HOOK1: variants seen among roughly 807,000 people sequenced by gnomAD.
The protein encoded by HOOK1 is hook microtubule tethering protein 1.
Under a neutral mutation model 112.8 loss-of-function variants are expected in HOOK1, and 60 were observed. That is an observed-to-expected ratio of 0.53 (90% confidence interval 0.43 to 0.66). The LOEUF (loss-of-function observed/expected upper bound fraction) is 0.66, where lower values mean the gene tolerates loss of function less well. Among genes scored for constraint, HOOK1 ranks in the 30% least tolerant of loss-of-function variants. The pLI is 0.00. For synonymous variants in HOOK1, 294 were observed against 283.8 expected (o/e 1.04, Z -0.36); for missense variants, 770 against 856.0 (o/e 0.90, Z 1.25).
rs1406996604 is a variant in HOOK1, at chr1:59,861,504, CTTA to C, written c.1532+1181_1532+1183del. The stretch of plus-strand genomic sequence containing the variant: ...TGTGGTATCAATGAAGTGCTCAAAA[CTTA>C]TTATATGCTTTTCTAAGTACTTTTT... On this transcript the variant is annotated intron_variant, in intron 15 of 21. Transcript: ENST00000371208. Among the ~76,000 whole-genome samples, 7 of 152,154 alleles carry C rather than the reference CTTA, an allele frequency of 4.6e-5. 1 individual carries two copies. Among genetic ancestry groups the C allele is most frequent in the Non-Finnish European group, 8.8e-5 (6 of 68,030 alleles).
chr1:59,825,393 A>G (rs1350967272), intron 2 of HOOK1, among the ~76,000 whole-genome samples: 1 of 152,200 alleles, frequency 6.6e-6, no homozygotes, highest in Non-Finnish European at 1.5e-5. Flanking sequence ...AGGGAGAAGA[A>G]TGAGACAGAT....
rs1191454108 is a variant in HOOK1 at position 59,876,067 on chromosome 1, G to A, written c.*3102G>A. Reference sequence around the variant, plus strand: ...GAAACATTCCTATGTAAAAATGTGTGTATGTGAACGTATGCATACATTTTT... The same window carrying A: ...GAAACATTCCTATGTAAAAATGTGTATATGTGAACGTATGCATACATTTTT... On this transcript the variant is annotated 3_prime_UTR_variant, in exon 22 of 22. Transcript: ENST00000371208. The A allele has an allele frequency of 6.6e-6, 1 of 152,618 alleles. No individual in the cohort carries two copies. The highest frequency in any genetic ancestry group is 2.4e-5 in the African/African-American group (1 of 41,436). The allele number at this position is 152,618 out of a possible 1,614,324, so 9.5% of individuals were successfully genotyped here. A position where few individuals can be genotyped will look rare whatever the true frequency, so the allele number is the denominator to read the frequency against.
At chr1:59,841,739 T>A (rs1015850318) in intron 8 of HOOK1, among the ~76,000 whole-genome samples, 90 of 152,116 alleles carry the variant, frequency 5.9e-4, no homozygotes, top group Non-Finnish European at 1.6e-4. Flanking sequence ...CTAGGTACAG[T>A]CTTCTGAGAA....
At chr1:59,826,561 T>C (rs2098390082) in intron 2 of HOOK1, among the ~76,000 whole-genome samples, 1 of 152,192 alleles carries the variant, frequency 6.6e-6, no homozygotes, top group Non-Finnish European at 1.5e-5. Flanking sequence ...GGAATTATCT[T>C]GGAAAAACTA....
intron 21 of HOOK1, among the ~76,000 whole-genome samples, chr1:59,872,513 C>CA (rs1180424956): frequency 7.0e-6 from 1 of 142,920 alleles, no homozygotes; most frequent in African/African-American, 2.9e-5. Flanking sequence ...GGCCCAAACA[C>CA]AAAAATTTTT....
chr1:59,847,063 T>C lies in HOOK1; in HGVS notation c.807T>C (p.Asp269=). The change falls in exon 10 of 22, where the codon GAT becomes GAC. Residue 269 remains aspartate (D), a synonymous_variant. Transcript: ENST00000371208. The part of the protein sequence containing the change: ...EENFRLEAAK[D]DYRVHCEELE... The stretch of plus-strand genomic sequence containing the variant: ...GTTCAAGGCTTGAAGCTGCAAAAGA[T>C]GATTACCGTGTTCACTGTGAAGAAC... 6.2e-7 allele frequency: 1 copy of C among 1,600,498 alleles called. No individual in the cohort carries two copies. Among genetic ancestry groups the C allele is most frequent in the East Asian group, 2.2e-5 (1 of 44,640 alleles).
chr1:59,873,479 TC>T lies in HOOK1; in HGVS notation c.*516del. On this transcript the variant is annotated 3_prime_UTR_variant, in exon 22 of 22. Transcript: ENST00000371208. ...GGCTTTACTTCTGTCCCCTAATTCTTCCATTGAATGTGTACCTCTACCTTGT... is the reference window on the plus strand; with the variant it reads ...GGCTTTACTTCTGTCCCCTAATTCTTCATTGAATGTGTACCTCTACCTTGT... 1.3e-5 allele frequency: 2 copies of T among 151,980 alleles called. No homozygotes were observed. The highest frequency in any genetic ancestry group is 6.8e-3 in the Middle Eastern group (2 of 294). 9.4% of individuals were successfully genotyped at this position (151,980 alleles called of 1,614,324 possible). A position where few individuals can be genotyped will look rare whatever the true frequency, so the allele number is the denominator to read the frequency against.
chr1:59,862,246 T>C (rs544666463), intron 15 of HOOK1, among the ~76,000 whole-genome samples: 1 of 152,304 alleles, frequency 6.6e-6, no homozygotes, highest in Non-Finnish European at 1.5e-5. Context: ...ATACTAACTC[T>C]TGCTAGTAAC....
chr1:59,874,165 C>T lies in HOOK1; in HGVS notation c.*1200C>T, dbSNP rs1012006533. 4.6e-5 allele frequency: 7 copies of T among 152,176 alleles called. No individual in the cohort carries two copies. The South Asian group carries it at 1.5e-3, about 32-fold the overall frequency. 9.4% of individuals were successfully genotyped at this position (152,176 alleles called of 1,614,324 possible). ...TTATAAACTCAGTCTCTTGGTTGCA[C>T]CAGCCACATTTCAGATGCTCAATAG... On this transcript the variant is annotated 3_prime_UTR_variant, in exon 22 of 22. Transcript: ENST00000371208.
chr1:59,856,128 T>TA (rs35607248), intron 12 of HOOK1, among the ~76,000 whole-genome samples: 1 of 146,580 alleles, frequency 6.8e-6, no homozygotes, highest in Non-Finnish European at 1.5e-5. Context: ...TTTTTTTTTT[T>TA]AGACATGGGG....
At position 59,869,983 on chromosome 1, in the gene HOOK1, C is replaced by A. The variant is rs370047142; in HGVS notation, c.1948-1059C>A. Among the ~76,000 whole-genome samples the A allele has an allele frequency of 9.2e-5, 14 of 152,202 alleles. No homozygotes were observed. The Middle Eastern group carries it at 0.01, about 111-fold the overall frequency. On this transcript the variant is annotated intron_variant, in intron 20 of 21. Coordinates refer to ENST00000371208, the MANE Select transcript of HOOK1 (RefSeq NM_015888.6). ...AAAGCCTATCTTTTATCTCTGTACC[C>A]CTAACATTAAATATTACATAAATCA...
chr1:59,874,115 T>A lies in HOOK1; in HGVS notation c.*1150T>A, dbSNP rs1181143660. The A allele has an allele frequency of 6.6e-6, 1 of 152,092 alleles. No individual in the cohort carries two copies. The highest frequency in any genetic ancestry group is 1.5e-5 in the Non-Finnish European group (1 of 68,014). 9.4% of individuals were successfully genotyped at this position (152,092 alleles called of 1,614,324 possible). On this transcript the variant is annotated 3_prime_UTR_variant, in exon 22 of 22. Transcript: ENST00000371208. ...TGTCGTATATCATAGCCATGAGCCA[T>A]ATATGACAATTTAAATTTAATTAAT...
rs375828764 is a variant in HOOK1, at chr1:59,828,855, A to T, written c.222+3A>T. Reference sequence around the variant, plus strand: ...TTGGGGACAACTGGAGAATAAAGGTATGCAGAACAAATGGGAGAAGCACTT... The same window carrying T: ...TTGGGGACAACTGGAGAATAAAGGTTTGCAGAACAAATGGGAGAAGCACTT... On this transcript the variant is annotated splice_donor_region_variant and intron_variant, in intron 3 of 21. Coordinates refer to ENST00000371208, the MANE Select transcript of HOOK1 (RefSeq NM_015888.6). 49 of 1,610,136 alleles carry T rather than the reference A, an allele frequency of 3.0e-5. No individual in the cohort carries two copies. The African/African-American group carries it at 6.1e-4, about 20-fold the overall frequency.
In HOOK1 at chr1:59,874,119, T is replaced by C. The variant is rs1441159434; in HGVS notation, c.*1154T>C. On this transcript the variant is annotated 3_prime_UTR_variant, in exon 22 of 22. Coordinates refer to ENST00000371208, the MANE Select transcript of HOOK1 (RefSeq NM_015888.6). ...GTATATCATAGCCATGAGCCATATA[T>C]GACAATTTAAATTTAATTAATTATA... The C allele has an allele frequency of 6.6e-6, 1 of 152,132 alleles. No homozygotes were observed. The highest frequency in any genetic ancestry group is 2.4e-5 in the African/African-American group (1 of 41,436). 9.4% of individuals were successfully genotyped at this position (152,132 alleles called of 1,614,324 possible). A position where few individuals can be genotyped will look rare whatever the true frequency, so the allele number is the denominator to read the frequency against.
chr1:59,867,370 T>C (rs1384869043), intron 19 of HOOK1, among the ~76,000 whole-genome samples: 1 of 152,214 alleles, frequency 6.6e-6, no homozygotes, highest in African/African-American at 2.4e-5. Context: ...CATCTGCCAG[T>C]ATCTACCACA....
intron 14 of HOOK1, 36 bp downstream of exon 14, chr1:59,859,081 A>C (rs745785497): frequency 2.1e-5 from 21 of 1,022,098 alleles, no homozygotes; most frequent in Non-Finnish European, 2.8e-5. Flanking sequence ...AATTATATTT[A>C]ATATTATAAT....
In HOOK1 at chr1:59,843,594, T is replaced by C. The variant is rs2102036219; in HGVS notation, c.784T>C (p.Phe262Leu). ...LQLEQLQEEN[F>L]RLEAAKDDYR... ...ACTAGAACAATTACAGGAAGAAAAC[T>C]TCAGGTAGCATTTTTAATGGAAATC... Residue 262 changes from phenylalanine (F) to leucine (L), a missense_variant, in exon 9 of 22, where the codon TTC becomes CTC. By Grantham distance (22) the Phe-to-Leu change is conservative. Transcript: ENST00000371208. 6.3e-7 allele frequency: 1 copy of C among 1,592,646 alleles called. No individual in the cohort carries two copies. The highest frequency in any genetic ancestry group is 8.5e-7 in the Non-Finnish European group (1 of 1,171,286).
At chr1:59,870,195 G>A (rs1359722533) in intron 20 of HOOK1, among the ~76,000 whole-genome samples, 1 of 152,168 alleles carries the variant, frequency 6.6e-6, no homozygotes, top group Non-Finnish European at 1.5e-5. Flanking sequence ...TGTTTGAAAT[G>A]TACATCCCCA....
chr1:59,872,529 T>G (rs1644071008), intron 21 of HOOK1, among the ~76,000 whole-genome samples: 1 of 152,192 alleles, frequency 6.6e-6, no homozygotes. Context: ...TTTTTATAAT[T>G]AAGTCTAATT....
Sources: allele counts gnomAD v4.1 joint callset (sites outside exome capture counted in the v4.1 genomes callset), GRCh38; gene constraint gnomAD v4.1.1; transcripts MANE v1.5; gene names NCBI Gene and HGNC (gene_info 2026-07-23, HGNC 2026-07-21).